The following NR3C2 variants were observed in gnomAD, a reference collection of about 807,000 sequenced individuals.
NR3C2 encodes mineralocorticoid receptor.
In NR3C2, 15 loss-of-function variants were observed where a neutral mutation model predicts 86.4. The observed-to-expected ratio is 0.17, with a 90% CI of 0.12 to 0.27. The LOEUF (loss-of-function observed/expected upper bound fraction) is 0.27. Ranked by LOEUF, NR3C2 falls within the 10% of genes least tolerant of loss-of-function variation. The probability of loss-of-function intolerance (pLI) is 1.00; values close to 1 mark genes in which losing one functional copy is unlikely to be tolerated. For missense variants in NR3C2, 960 were observed against 1,195.6 expected (o/e 0.80, Z 2.91); for synonymous variants, 458 against 450.5 (o/e 1.02, Z -0.21).
intron 2 of NR3C2, among the ~76,000 whole-genome samples, chr4:148,399,689 C>T (rs1748044692): frequency 6.9e-6 from 1 of 144,370 alleles, no homozygotes; most frequent in Admixed American, 6.8e-5. Flanking sequence ...TACAGACACA[C>T]ACACACACAC....
At chr4:148,427,979 GA>G (rs1749631757) in intron 2 of NR3C2, among the ~76,000 whole-genome samples, 1 of 152,184 alleles carries the variant, frequency 6.6e-6, no homozygotes, top group South Asian at 2.1e-4. Context: ...AACAAAGTCT[GA>G]TGAAGAATGG....
intron 8 of NR3C2, among the ~76,000 whole-genome samples, chr4:148,098,000 A>G (rs969463980): frequency 5.9e-5 from 9 of 151,986 alleles, no homozygotes; most frequent in African/African-American, 1.2e-4. Flanking sequence ...TCTTCGACCA[A>G]TCAATGACCT....
At chr4:148,121,159 G>A (rs1323074898) in intron 6 of NR3C2, among the ~76,000 whole-genome samples, 4 of 152,204 alleles carry the variant, frequency 2.6e-5, no homozygotes, top group Non-Finnish European at 4.4e-5. Context: ...GAAAGGACTT[G>A]CCAAAGGCCA....
rs570449839 is a variant in NR3C2, at chr4:148,174,750, T to C, written c.2015-19849A>G. ...CTCTCTCTTAATGAATCACAAGCCA[T>C]GCCAGGGTCCCTCCTTCTCCTCCTC... is the stretch of plus-strand genomic sequence containing the variant. On this transcript the variant is annotated intron_variant, in intron 4 of 8. Coordinates refer to ENST00000358102, the MANE Select transcript of NR3C2 (RefSeq NM_000901.5). Among the ~76,000 whole-genome samples, 336 of 152,274 alleles carry C rather than the reference T, an allele frequency of 2.2e-3. 1 individual carries two copies. The highest frequency in any genetic ancestry group is 4.1e-3 in the South Asian group (20 of 4,824).
At chr4:148,302,686 C>A (rs1179403150) in intron 2 of NR3C2, among the ~76,000 whole-genome samples, 1 of 151,764 alleles carries the variant, frequency 6.6e-6, no homozygotes, top group Non-Finnish European at 1.5e-5. Flanking sequence ...CTACACAGTC[C>A]CCATAGGGTC....
intron 2 of NR3C2, among the ~76,000 whole-genome samples, chr4:148,300,254 TTC>T (rs1300524880): frequency 2.0e-5 from 3 of 152,174 alleles, no homozygotes; most frequent in African/African-American, 7.2e-5. Context: ...AATGAGTCCT[TTC>T]TCGTTTGACA....
chr4:148,373,302 C>T (rs1746507808), intron 2 of NR3C2, among the ~76,000 whole-genome samples: 1 of 152,012 alleles, frequency 6.6e-6, no homozygotes, highest in Admixed American at 6.6e-5. Context: ...ACAATCTCAC[C>T]TATTGAAATC....
intron 3 of NR3C2, among the ~76,000 whole-genome samples, chr4:148,203,656 C>T (rs955066382): frequency 2.9e-5 from 4 of 138,990 alleles, no homozygotes; most frequent in African/African-American, 1.0e-4. Flanking sequence ...CATCCCTCCC[C>T]CCGCCCCGCC....
intron 2 of NR3C2, among the ~76,000 whole-genome samples, chr4:148,273,818 T>C (rs1740816065): frequency 6.6e-6 from 1 of 151,910 alleles, no homozygotes; most frequent in South Asian, 2.1e-4. Flanking sequence ...AAGCTCCAAG[T>C]TGGAAGGGCT....
intron 8 of NR3C2, among the ~76,000 whole-genome samples, chr4:148,107,979 A>T (rs1731879894): frequency 6.6e-6 from 1 of 152,326 alleles, no homozygotes; most frequent in South Asian, 2.1e-4. Context: ...AAACCAGCAC[A>T]TTCTGCACAT....
chr4:148,223,274 TCTC>T (rs906757043), intron 3 of NR3C2, among the ~76,000 whole-genome samples: 30 of 152,158 alleles, frequency 2.0e-4, no homozygotes, highest in African/African-American at 6.5e-4. Context: ...CATCCCTACT[TCTC>T]CGCTTACAGC....
At chr4:148,168,172 T>C (rs1734967322) in intron 4 of NR3C2, among the ~76,000 whole-genome samples, 1 of 152,226 alleles carries the variant, frequency 6.6e-6, no homozygotes, top group South Asian at 2.1e-4. Context: ...CATCATTAAA[T>C]GAGCCACAGC....
At chr4:148,212,539 T>C (rs1327935467) in intron 3 of NR3C2, among the ~76,000 whole-genome samples, 1 of 152,254 alleles carries the variant, frequency 6.6e-6, no homozygotes, top group Non-Finnish European at 1.5e-5. Context: ...GTCAATGCCT[T>C]GCCTAGCAGA....
chr4:148,338,995 AC>A (rs1451529746), intron 2 of NR3C2, among the ~76,000 whole-genome samples: 2 of 152,180 alleles, frequency 1.3e-5, no homozygotes, highest in African/African-American at 4.8e-5. Context: ...AAGTCCTTTC[AC>A]TTGTGACTGA....
At chr4:148,126,356 G>A (rs1357426780) in intron 6 of NR3C2, among the ~76,000 whole-genome samples, 1 of 152,178 alleles carries the variant, frequency 6.6e-6, no homozygotes, top group Non-Finnish European at 1.5e-5. Context: ...TGCTTCTTAA[G>A]AGACCAATGA....
chr4:148,240,870 G>C (rs1045926189), intron 3 of NR3C2, among the ~76,000 whole-genome samples: 3 of 152,204 alleles, frequency 2.0e-5, no homozygotes, highest in Non-Finnish European at 4.4e-5. Flanking sequence ...ATGCAGAGCT[G>C]CTAAGTGCTG....
intron 6 of NR3C2, among the ~76,000 whole-genome samples, chr4:148,150,447 G>A (rs569015863): frequency 1.6e-4 from 25 of 152,196 alleles, no homozygotes; most frequent in Non-Finnish European, 2.6e-4. Flanking sequence ...TCTGTGAGGC[G>A]CATCATAGCT....
chr4:148,328,124 C>CCAAT (rs1314149549), intron 2 of NR3C2, among the ~76,000 whole-genome samples: 3 of 152,162 alleles, frequency 2.0e-5, no homozygotes, highest in Non-Finnish European at 1.5e-5. Context: ...ATTTGCTAAA[C>CCAAT]CAATGACTGC....
chr4:148,154,802 T>C lies in NR3C2; in HGVS notation c.2114A>G (p.Glu705Gly), dbSNP rs932807028. 1 of 1,007,094 alleles carries C rather than the reference T, an allele frequency of 9.9e-7. No individual in the cohort carries two copies. Among genetic ancestry groups the C allele is most frequent in the Non-Finnish European group, 1.4e-6 (1 of 706,268 alleles). 62.4% of individuals were successfully genotyped at this position (1,007,094 alleles called of 1,614,324 possible). Residue 705 changes from glutamate to glycine, a missense_variant, in exon 5 of 9, where the codon GAG becomes GGG. By Grantham distance (98) the Glu-to-Gly change is moderately conservative (BLOSUM62 -2). Coordinates refer to ENST00000358102, the MANE Select transcript of NR3C2 (RefSeq NM_000901.5). ...AGGAGCGATGTACGTTGTCCCTTCC[T>C]CTGGGCTTTGCGGGGGTGGGGGTGG... ...PPPPPPPQSP[E>G]EGTTYIAPAK...
Sources: allele counts gnomAD v4.1 joint callset (sites outside exome capture counted in the v4.1 genomes callset), GRCh38; gene constraint gnomAD v4.1.1; transcripts MANE v1.5; gene names NCBI Gene and HGNC (gene_info 2026-07-23, HGNC 2026-07-21).